Variants in FOXP1 observed in about 807,000 individuals in gnomAD.
The protein encoded by FOXP1 is forkhead box P1, also known as forkhead box protein P1.
In FOXP1, 15 loss-of-function variants were observed where a neutral mutation model predicts 98.2. That is an observed-to-expected ratio of 0.15 (90% CI 0.10 to 0.24). The LOEUF is 0.24. Among genes scored for constraint, FOXP1 ranks in the 10% least tolerant of loss-of-function variants. The pLI, the probability that FOXP1 is intolerant of heterozygous loss-of-function variation, is 1.00. For missense variants in FOXP1, 633 were observed against 848.5 expected (o/e 0.75, Z 3.15); for synonymous variants, 371 against 314.5 (o/e 1.18, Z -1.90).
intron 5 of FOXP1, among the ~76,000 whole-genome samples, chr3:71,208,369 A>G (rs2064201524): frequency 6.6e-6 from 1 of 152,176 alleles, no homozygotes; most frequent in African/African-American, 2.4e-5. Context: ...AACTGCATAG[A>G]TATCATTACA....
At chr3:71,468,400 G>A (rs1301547812) in intron 3 of FOXP1, among the ~76,000 whole-genome samples, 6 of 152,064 alleles carry the variant, frequency 3.9e-5, no homozygotes, top group African/African-American at 7.2e-5. Flanking sequence ...TTCCAGAGTC[G>A]GGCTACCTTG....
chr3:70,975,261 C>T (rs903871834), intron 17 of FOXP1, among the ~76,000 whole-genome samples: 8 of 152,302 alleles, frequency 5.3e-5, no homozygotes, highest in Middle Eastern at 3.4e-3. Flanking sequence ...CCTCATGCTT[C>T]GACTTCCTAA....
intron 19 of FOXP1, chr3:70,970,342 G>C: frequency 4.6e-6 from 1 of 215,128 alleles, no homozygotes; most frequent in Admixed American, 5.3e-5. Context: ...ACAAAGCCCT[G>C]CTTTCTCTTT....
At chr3:71,153,179 C>T (rs1262338595) in intron 6 of FOXP1, among the ~76,000 whole-genome samples, 1 of 152,136 alleles carries the variant, frequency 6.6e-6, no homozygotes, top group African/African-American at 2.4e-5. Flanking sequence ...GTGAAGGCGC[C>T]TCCCACACAC....
chr3:71,280,126 C>CAAAAAA (rs56674677), intron 5 of FOXP1, among the ~76,000 whole-genome samples: 170 of 105,908 alleles, frequency 1.6e-3, no homozygotes, highest in Admixed American at 2.4e-3. Context: ...CTGTCTCAAA[C>CAAAAAA]AAAAAAAAAA....
At chr3:71,146,606 ACACT>A (rs2060319353) in intron 6 of FOXP1, among the ~76,000 whole-genome samples, 3 of 152,240 alleles carry the variant, frequency 2.0e-5, no homozygotes, top group Admixed American at 2.0e-4. Flanking sequence ...TAGCAGTCAC[ACACT>A]CACTTCTTTT....
At chr3:70,990,762 C>CAAT (rs2040478723) in intron 13 of FOXP1, among the ~76,000 whole-genome samples, 1 of 152,170 alleles carries the variant, frequency 6.6e-6, no homozygotes, top group Non-Finnish European at 1.5e-5. Context: ...GAGGGAGCTG[C>CAAT]TTGTGCAGGG....
rs530291927 is a variant in FOXP1 at position 71,339,152 on chromosome 3, T to C, written c.-73+19998A>G. Reference sequence around the variant, plus strand: ...AAGATTTGGCAAATGAAATCTATTATGATGTCAAAAGGTAGCTGACAACAT... The same window carrying C: ...AAGATTTGGCAAATGAAATCTATTACGATGTCAAAAGGTAGCTGACAACAT... On this transcript the variant is annotated intron_variant, in intron 4 of 20. Transcript: ENST00000649528. Among the ~76,000 whole-genome samples, 459 of 152,348 alleles carry C rather than the reference T, an allele frequency of 3.0e-3. 2 individuals are homozygous for C. Among genetic ancestry groups the C allele is most frequent in the African/African-American group, 0.01 (433 of 41,588 alleles).
chr3:71,397,023 TAC>T lies in FOXP1; in HGVS notation c.-167-37781_-167-37780del, dbSNP rs1419873300. 4.5e-3 allele frequency among the ~76,000 whole-genome samples: 108 copies of T among 24,032 alleles called. 17 individuals carry two copies. The highest frequency in any genetic ancestry group is 7.6e-3 in the Non-Finnish European group (70 of 9,234). 15.8% of individuals were successfully genotyped at this position (24,032 alleles called of 152,430 possible). A position where few individuals can be genotyped will look rare whatever the true frequency, so the allele number is the denominator to read the frequency against. On this transcript the variant is annotated intron_variant, in intron 3 of 20. Transcript: ENST00000649528. ...ATATATATGTGTATATATATATATA[TAC>T]ATATATATGTGTATATATATATACA...
intron 6 of FOXP1, among the ~76,000 whole-genome samples, chr3:71,139,285 G>A (rs916048591): frequency 6.6e-6 from 1 of 152,044 alleles, no homozygotes; most frequent in Admixed American, 6.5e-5. Context: ...ACTCATAATG[G>A]CACTGTAATA....
At chr3:71,069,373 G>A (rs973907609) in intron 7 of FOXP1, among the ~76,000 whole-genome samples, 2 of 152,120 alleles carry the variant, frequency 1.3e-5, no homozygotes, top group South Asian at 4.1e-4. Context: ...AGCATCAGAG[G>A]TAAACAAAAT....
At chr3:71,160,261 T>G (rs1463367981) in intron 6 of FOXP1, among the ~76,000 whole-genome samples, 1 of 152,160 alleles carries the variant, frequency 6.6e-6, no homozygotes, top group Non-Finnish European at 1.5e-5. Context: ...TGTTGGTCTC[T>G]GTTTGGGCTG....
intron 2 of FOXP1, among the ~76,000 whole-genome samples, chr3:71,547,952 C>T (rs1417570049): frequency 6.6e-6 from 1 of 152,188 alleles, no homozygotes; most frequent in Non-Finnish European, 1.5e-5. Context: ...ACCAAACTGA[C>T]TTAGCCAGCC....
intron 4 of FOXP1, among the ~76,000 whole-genome samples, chr3:71,306,850 A>G (rs986563752): frequency 6.6e-6 from 1 of 152,166 alleles, no homozygotes; most frequent in African/African-American, 2.4e-5. Context: ...ATTAAATAAC[A>G]TAATTACAGT....
At position 71,311,473 on chromosome 3, in the gene FOXP1, A is replaced by G. The variant is rs562871568; in HGVS notation, c.-72-11593T>C. Among the ~76,000 whole-genome samples the G allele has an allele frequency of 1.1e-4, 17 of 152,316 alleles. No homozygotes were observed. The South Asian group carries it at 3.5e-3, about 32-fold the overall frequency. ...ACAGAATGAGTGAATAACACTAATCAGTGTATGAGTGGAACAAAAACATTC... is the reference window on the plus strand; with the variant it reads ...ACAGAATGAGTGAATAACACTAATCGGTGTATGAGTGGAACAAAAACATTC... On this transcript the variant is annotated intron_variant, in intron 4 of 20. Coordinates refer to ENST00000649528, the MANE Select transcript of FOXP1 (RefSeq NM_001349338.3).
chr3:71,320,487 A>C (rs965313475), intron 4 of FOXP1, among the ~76,000 whole-genome samples: 1 of 151,964 alleles, frequency 6.6e-6, no homozygotes, highest in Non-Finnish European at 1.5e-5. Flanking sequence ...GAAATCCCAC[A>C]CATCCCATAT....
At chr3:71,268,137 C>T (rs2069914449) in intron 5 of FOXP1, among the ~76,000 whole-genome samples, 2 of 126,300 alleles carry the variant, frequency 1.6e-5, no homozygotes, top group African/African-American at 3.1e-5. Flanking sequence ...GTCGCCCAGG[C>T]TGGAGTGCAG....
At position 71,272,358 on chromosome 3, in the gene FOXP1, C is replaced by T. The variant is rs111864869; in HGVS notation, c.-12+27462G>A. Among the ~76,000 whole-genome samples the T allele has an allele frequency of 2.0e-3, 299 of 152,294 alleles. 2 individuals are homozygous for T. Among genetic ancestry groups the T allele is most frequent in the African/African-American group, 6.9e-3 (287 of 41,568 alleles). ...CCGGGTGGGTCAACTTCGATGTCCT[C>T]CTGAGGCTCCGTGTAGAATTATACC... On this transcript the variant is annotated intron_variant, in intron 5 of 20. Coordinates refer to ENST00000649528, the MANE Select transcript of FOXP1 (RefSeq NM_001349338.3).
intron 3 of FOXP1, among the ~76,000 whole-genome samples, chr3:71,378,334 G>T (rs766551566): frequency 1.3e-5 from 2 of 152,046 alleles, no homozygotes; most frequent in Non-Finnish European, 2.9e-5. Context: ...GATACAGTAG[G>T]GTCTGCTGTT....
Sources: allele counts gnomAD v4.1 joint callset (sites outside exome capture counted in the v4.1 genomes callset), GRCh38; gene constraint gnomAD v4.1.1; transcripts MANE v1.5; gene names NCBI Gene and HGNC (gene_info 2026-07-23, HGNC 2026-07-21).